Variants in TTC12 observed in about 807,000 individuals in gnomAD.
TTC12 encodes tetratricopeptide repeat domain 12, also known as tetratricopeptide repeat protein 12.
Under a neutral mutation model 90.1 loss-of-function variants are expected in TTC12, and 70 were observed. The observed-to-expected ratio is 0.78, with a 90% CI of 0.64 to 0.95. TTC12 has a LOEUF of 0.95. TTC12 is among the 40% of genes least tolerant of loss of function. The probability of loss-of-function intolerance (pLI) is 0.00; values close to 1 mark genes in which losing one functional copy is unlikely to be tolerated. For synonymous variants in TTC12, 296 were observed against 311.5 expected (o/e 0.95, Z 0.53); for missense variants, 819 against 846.1 (o/e 0.97, Z 0.40).
chr11:113,371,838 G>A (rs1411713439), intron 21 of TTC12, among the ~76,000 whole-genome samples: 1 of 152,184 alleles, frequency 6.6e-6, no homozygotes, highest in Non-Finnish European at 1.5e-5. Context: ...CAATAGGGGA[G>A]ATATGATACC....
downstream of TTC12, among the ~76,000 whole-genome samples, chr11:113,367,716 G>T (rs527946600): frequency 5.0e-5 from 4 of 80,032 alleles, no homozygotes; most frequent in Non-Finnish European, 8.0e-5. Flanking sequence ...TTGGCATTTG[G>T]TGACGGGGGT....
intron 16 of TTC12, among the ~76,000 whole-genome samples, chr11:113,352,785 T>A (rs112396614): frequency 0.037 from 5,688 of 152,312 alleles, 368 homozygotes; most frequent in African/African-American, 0.12. Context: ...ACATAATCTC[T>A]TTCTTTTTTA....
intron 13 of TTC12, among the ~76,000 whole-genome samples, chr11:113,346,918 G>T (rs78552802): frequency 0.015 from 2,219 of 152,226 alleles, 48 homozygotes; most frequent in African/African-American, 0.048. Flanking sequence ...CTCACCTGTG[G>T]TTCACTCACA....
chr11:113,340,788 C>A, intron 11 of TTC12, 55 bp downstream of exon 11: 1 of 1,429,324 alleles, frequency 7.0e-7, no homozygotes, highest in Non-Finnish European at 9.9e-7. Context: ...ATAACCACTG[C>A]TTATGAAATC....
rs1178967371 is a variant in TTC12 at position 113,366,310 on chromosome 11, G to C, written c.*10G>C. ...CATCAGTGATTCTTGAGAGAGACAG[G>C]GTTTGTGTGCATTTGGGGAACACAC... is the stretch of plus-strand genomic sequence containing the variant. On this transcript the variant is annotated 3_prime_UTR_variant, in exon 22 of 22. Coordinates refer to ENST00000529221, the MANE Select transcript of TTC12 (RefSeq NM_017868.4). 1.2e-6 allele frequency: 2 copies of C among 1,613,114 alleles called. No individual in the cohort carries two copies. The highest frequency in any genetic ancestry group is 1.7e-6 in the Non-Finnish European group (2 of 1,180,004).
downstream of TTC12, chr11:113,368,328 A>C (rs1241766475): frequency 5.2e-6 from 8 of 1,546,048 alleles, no homozygotes; most frequent in South Asian, 8.4e-5. Context: ...CACCGCCCCA[A>C]ACTTGTTACC....
chr11:113,366,197 C>T, intron 21 of TTC12, 28 bp from the exon 22 acceptor site: 1 of 1,610,490 alleles, frequency 6.2e-7, no homozygotes, highest in South Asian at 1.1e-5. Flanking sequence ...GCACTTATGC[C>T]CTGGGTTGTT....
intron 12 of TTC12, 64 bp downstream of exon 12, chr11:113,341,989 G>T: frequency 1.4e-6 from 2 of 1,410,966 alleles, no homozygotes; most frequent in Non-Finnish European, 2.0e-6. Flanking sequence ...ACGCTGTTGG[G>T]TGGACTGTCC....
chr11:113,319,207 G>C (rs1344643251), intron 2 of TTC12, among the ~76,000 whole-genome samples: 3 of 152,118 alleles, frequency 2.0e-5, no homozygotes, highest in African/African-American at 7.2e-5. Context: ...CAGTCTAACC[G>C]TGAGAAAAAT....
intron 6 of TTC12, chr11:113,329,498 A>G (rs1555141988): frequency 1.4e-5 from 6 of 432,660 alleles, no homozygotes; most frequent in Non-Finnish European, 2.8e-5. Context: ...AATGAGAAGG[A>G]AGGAGGAAAA....
intron 16 of TTC12, 98 bp downstream of exon 16, chr11:113,352,305 G>A: frequency 6.6e-7 from 1 of 1,509,240 alleles, no homozygotes; most frequent in Non-Finnish European, 9.1e-7. Flanking sequence ...TGTTTCTGTG[G>A]GTGTTGGATG....
At chr11:113,364,397 C>T in intron 20 of TTC12, 1 of 235,200 alleles carries the variant, frequency 4.3e-6, no homozygotes, top group East Asian at 9.8e-5. Flanking sequence ...AGAAGGTGAA[C>T]TGAAGGAGGC....
intron 12 of TTC12, 52 bp from the exon 13 acceptor site, chr11:113,344,220 G>A (rs1948824549): frequency 6.4e-7 from 1 of 1,563,254 alleles, no homozygotes; most frequent in East Asian, 2.3e-5. Flanking sequence ...GACAGAGCTA[G>A]TTTAATTGCC....
chr11:113,318,791 G>A (rs576158939), intron 2 of TTC12, among the ~76,000 whole-genome samples: 1 of 151,830 alleles, frequency 6.6e-6, no homozygotes, highest in South Asian at 2.1e-4. Flanking sequence ...GTGCTTTTGA[G>A]GAACTAAAAG....
At chr11:113,348,837 C>T (rs1459058882) in intron 13 of TTC12, among the ~76,000 whole-genome samples, 1 of 152,198 alleles carries the variant, frequency 6.6e-6, no homozygotes, top group Non-Finnish European at 1.5e-5. Context: ...CCCTAGAAGG[C>T]CCCCAGGATC....
In TTC12 at chr11:113,352,206, T is replaced by C. The variant is rs1555150635; in HGVS notation, c.1445T>C (p.Leu482Pro). 1 of 1,614,192 alleles carries C rather than the reference T, an allele frequency of 6.2e-7. No homozygotes were observed. The highest frequency in any genetic ancestry group is 1.1e-5 in the South Asian group (1 of 91,084). ...EEFGDGCLSL[L>P]ARCEEDVDLF... ...TTTGGGGATGGCTGCTTGAGCCTCC[T>C]GGTATGTTAGCTTTTCTATTCAAAA... The change falls in exon 16 of 22, where the codon CTG becomes CCG. Residue 482 changes from leucine (L) to proline (P), a missense_variant and splice_region_variant. Physicochemically the swap from Leu to Pro is moderately conservative, Grantham distance 98. Transcript: ENST00000529221.
At chr11:113,337,762 A>G (rs531173042) in intron 8 of TTC12, among the ~76,000 whole-genome samples, 73 of 152,292 alleles carry the variant, frequency 4.8e-4, no homozygotes, top group African/African-American at 1.6e-3. Context: ...AAGAACAGAG[A>G]ATGAGTGATA....
chr11:113,324,189 G>C (rs1947538086), intron 4 of TTC12, 174 bp downstream of exon 4: 2 of 570,186 alleles, frequency 3.5e-6, no homozygotes, highest in South Asian at 5.0e-5. Flanking sequence ...TCCCTGAGAG[G>C]TTTTTCTTTA....
chr11:113,315,580 C>T (rs575547229), intron 1 of TTC12, among the ~76,000 whole-genome samples: 3 of 152,226 alleles, frequency 2.0e-5, no homozygotes, highest in Non-Finnish European at 2.9e-5. Flanking sequence ...ACAATCTTCC[C>T]GATGATTTTT....
Sources: allele counts gnomAD v4.1 joint callset (sites outside exome capture counted in the v4.1 genomes callset), GRCh38; gene constraint gnomAD v4.1.1; transcripts MANE v1.5; gene names NCBI Gene and HGNC (gene_info 2026-07-23, HGNC 2026-07-21).